MED13L: variants seen among roughly 807,000 people sequenced by gnomAD.
The protein encoded by MED13L is mediator of RNA polymerase II transcription subunit 13-like.
A neutral mutation model predicts 220.9 loss-of-function variants in MED13L; 7 were observed. That is an observed-to-expected ratio of 0.03 (90% CI 0.02 to 0.06). The LOEUF (loss-of-function observed/expected upper bound fraction) is 0.06, where lower values mean the gene tolerates loss of function less well. MED13L is among the 10% of genes least tolerant of loss of function. MED13L has a pLI of 1.00. For missense variants in MED13L, 1,965 were observed against 2,760.5 expected (o/e 0.71, Z 6.46); for synonymous variants, 1,011 against 1,015.2 (o/e 1.00, Z 0.08).
intron 4 of MED13L, among the ~76,000 whole-genome samples, chr12:116,060,994 T>C (rs1440439512): frequency 6.6e-6 from 1 of 152,198 alleles, no homozygotes; most frequent in African/African-American, 2.4e-5. Flanking sequence ...TTATTTTCTA[T>C]CTCCTGCCTT....
intron 2 of MED13L, among the ~76,000 whole-genome samples, chr12:116,203,300 G>A (rs1229472693): frequency 2.6e-5 from 4 of 152,030 alleles, no homozygotes; most frequent in African/African-American, 4.8e-5. Context: ...CCTTAAACTT[G>A]TAACATTCTG....
At chr12:116,099,301 T>C (rs1593042492) in intron 3 of MED13L, among the ~76,000 whole-genome samples, 1 of 152,224 alleles carries the variant, frequency 6.6e-6, no homozygotes, top group African/African-American at 2.4e-5. Context: ...CCTTGTAAAT[T>C]ACAGTCTATT....
intron 2 of MED13L, among the ~76,000 whole-genome samples, chr12:116,235,804 T>C (rs1440510313): frequency 6.6e-6 from 1 of 152,156 alleles, no homozygotes; most frequent in Non-Finnish European, 1.5e-5. Context: ...TTCTATATTA[T>C]CAACTAAATA....
intron 2 of MED13L, among the ~76,000 whole-genome samples, chr12:116,210,051 A>C (rs1882591776): frequency 6.6e-6 from 1 of 152,208 alleles, no homozygotes; most frequent in Admixed American, 6.5e-5. Flanking sequence ...AAACAATTCA[A>C]GACCAATTCA....
At chr12:116,010,989 G>A (rs889752263) in intron 9 of MED13L, among the ~76,000 whole-genome samples, 15 of 151,226 alleles carry the variant, frequency 9.9e-5, no homozygotes, top group Admixed American at 8.6e-4. Flanking sequence ...CAATTCTCCT[G>A]CCTCAGCCTC....
chr12:115,972,923 C>A (rs1049784547), intron 25 of MED13L, among the ~76,000 whole-genome samples: 1 of 152,154 alleles, frequency 6.6e-6, no homozygotes, highest in Non-Finnish European at 1.5e-5. Context: ...CCTCTTCTGA[C>A]CTCCCTTACA....
intron 4 of MED13L, among the ~76,000 whole-genome samples, chr12:116,079,888 G>A (rs1871106336): frequency 6.6e-6 from 1 of 152,100 alleles, no homozygotes. Context: ...GTTAACAGGT[G>A]TTCTGAGATC....
At chr12:115,996,380 C>A (rs897544725) in intron 16 of MED13L, 96 bp downstream of exon 16, 2 of 1,416,548 alleles carry the variant, frequency 1.4e-6, no homozygotes, top group Non-Finnish European at 2.0e-6. Flanking sequence ...GCATGAGCCA[C>A]CGCGCCCGGA....
At chr12:116,107,446 C>T (rs1873681413) in intron 3 of MED13L, among the ~76,000 whole-genome samples, 1 of 152,144 alleles carries the variant, frequency 6.6e-6, no homozygotes, top group Non-Finnish European at 1.5e-5. Context: ...TACCTCAGCA[C>T]CAATCAATAG....
Position 116,231,490 on chromosome 12 carries a change from A to G in MED13L, c.310+5978T>C, listed in dbSNP as rs1330975486. 6.6e-5 allele frequency among the ~76,000 whole-genome samples: 10 copies of G among 152,300 alleles called. No homozygotes were observed. In the East Asian group the frequency reaches 1.9e-3, roughly 29 times the overall value. ...ACTGCTCCCTTCAAATAACATCAAT[A>G]TCATTGATCCCCAAGACAACTTCAG... On this transcript the variant is annotated intron_variant, in intron 2 of 30. Transcript: ENST00000281928.
intron 22 of MED13L, 162 bp downstream of exon 22, chr12:115,982,222 T>C: frequency 1.4e-6 from 1 of 700,126 alleles, no homozygotes; most frequent in Non-Finnish European, 2.4e-6. Flanking sequence ...TATGCAAATA[T>C]TCCAAAATCG....
At chr12:115,963,640 G>C in intron 29 of MED13L, 121 bp from the exon 30 acceptor site, 1 of 755,844 alleles carries the variant, frequency 1.3e-6, no homozygotes, top group Non-Finnish European at 2.3e-6. Flanking sequence ...GGGTTTCTGT[G>C]AGTCTACAAA....
intron 4 of MED13L, among the ~76,000 whole-genome samples, chr12:116,061,917 A>G (rs1483107968): frequency 6.7e-6 from 1 of 149,136 alleles, no homozygotes; most frequent in Non-Finnish European, 1.5e-5. Context: ...CTGAGGCAGG[A>G]GAATGGCGTG....
rs374035272 is a variant in MED13L at position 116,237,732 on chromosome 12, G to A, written c.73-27C>T. The A allele has an allele frequency of 4.1e-5, 66 of 1,592,498 alleles. 1 individual carries two copies. In the African/African-American group the frequency reaches 6.6e-4, roughly 16 times the overall value. On this transcript the variant is annotated intron_variant, in intron 1 of 30. Coordinates refer to ENST00000281928, the MANE Select transcript of MED13L (RefSeq NM_015335.5). ...TGGAAAAAGACAAAAAATTGTAATC[G>A]TTTTCTCATTTTACTTACAGACCAC...
intron 2 of MED13L, among the ~76,000 whole-genome samples, chr12:116,201,499 G>T (rs1448515202): frequency 6.6e-6 from 1 of 151,902 alleles, no homozygotes; most frequent in African/African-American, 2.4e-5. Context: ...TTTAAAAATG[G>T]TGATCCAAAT....
rs61301423 is a variant in MED13L, at chr12:116,083,404, G to GAAAAAAAA, written c.479+13257_479+13264dup. On this transcript the variant is annotated intron_variant, in intron 4 of 30. Transcript: ENST00000281928. ...AAGACAGAGCGAGACTGTCTCGAGGGAAAAAAAAAAAAAAAAAAAAAAACA... is the reference window on the plus strand; with the variant it reads ...AAGACAGAGCGAGACTGTCTCGAGGGAAAAAAAAAAAAAAAAAAAAAAAAAAAAAAACA... Among the ~76,000 whole-genome samples the GAAAAAAAA allele has an allele frequency of 3.8e-5, 3 of 79,358 alleles. No individual in the cohort carries two copies. In the East Asian group the frequency reaches 1.1e-3, roughly 30 times the overall value. 52.1% of individuals were successfully genotyped at this position (79,358 alleles called of 152,430 possible). A position where few individuals can be genotyped will look rare whatever the true frequency, so the allele number is the denominator to read the frequency against.
chr12:116,099,863 T>C (rs1462243370), intron 3 of MED13L, among the ~76,000 whole-genome samples: 1 of 152,204 alleles, frequency 6.6e-6, no homozygotes, highest in Non-Finnish European at 1.5e-5. Context: ...AGGTCATATT[T>C]CTTCGTCAGG....
At position 116,277,328 on chromosome 12, in the gene MED13L, T is replaced by TAGCGGGGGGGTCCGC; in HGVS notation, c.-198_-197insGCGGACCCCCCCGCT. 1.6e-3 allele frequency: 1 copy of TAGCGGGGGGGTCCGC among 644 alleles called. No homozygotes were observed. Among genetic ancestry groups the TAGCGGGGGGGTCCGC allele is most frequent in the Non-Finnish European group, 3.6e-3 (1 of 274 alleles). 0.0% of individuals were successfully genotyped at this position (644 alleles called of 1,614,324 possible). A position where few individuals can be genotyped will look rare whatever the true frequency, so the allele number is the denominator to read the frequency against. On this transcript the variant is annotated 5_prime_UTR_variant, in exon 1 of 31. Coordinates refer to ENST00000281928, the MANE Select transcript of MED13L (RefSeq NM_015335.5). ...CGCGCCGGGGGCAGCGGGCCCGGGC[T>TAGCGGGGGGGTCCGC]GGCGGGGGGGGCGCGCGCCCCGGGC... is the stretch of plus-strand genomic sequence containing the variant.
intron 2 of MED13L, among the ~76,000 whole-genome samples, chr12:116,149,293 T>C (rs1300463772): frequency 6.6e-6 from 1 of 152,202 alleles, no homozygotes; most frequent in Non-Finnish European, 1.5e-5. Context: ...AGTTAAGTCT[T>C]AGACCCCACT....
Sources: gnomAD v4.1 joint callset for allele counts (sites outside exome capture counted in the v4.1 genomes callset) on GRCh38, gnomAD v4.1.1 for gene constraint, MANE v1.5 for transcripts, NCBI Gene and HGNC (gene_info 2026-07-23, HGNC 2026-07-21) for gene names.